ARIH1: variants seen among roughly 807,000 people sequenced by gnomAD.
ARIH1 encodes the protein E3 ubiquitin-protein ligase ARIH1.
In ARIH1, 8 loss-of-function variants were observed where a neutral mutation model predicts 85.0. The ratio of observed to expected loss-of-function variants is 0.09; its 90% CI spans 0.06 to 0.17. The LOEUF (loss-of-function observed/expected upper bound fraction) is 0.17, where lower values mean the gene tolerates loss of function less well. ARIH1 is among the 10% of genes least tolerant of loss of function. The probability of loss-of-function intolerance (pLI) is 1.00; values close to 1 mark genes in which losing one functional copy is unlikely to be tolerated. For missense variants in ARIH1, 311 were observed against 718.1 expected (o/e 0.43, Z 6.48); for synonymous variants, 238 against 253.6 (o/e 0.94, Z 0.59).
At chr15:72,546,285 G>T (rs1400816902) in intron 3 of ARIH1, among the ~76,000 whole-genome samples, 2 of 152,206 alleles carry the variant, frequency 1.3e-5, no homozygotes, top group Non-Finnish European at 2.9e-5. Flanking sequence ...GTCCATTTGT[G>T]GGGAGTTAAC....
chr15:72,528,639 A>G (rs535463496), intron 2 of ARIH1, among the ~76,000 whole-genome samples: 1 of 152,176 alleles, frequency 6.6e-6, no homozygotes, highest in East Asian at 1.9e-4. Context: ...AGATCGCTTG[A>G]GCGTAGGAGT....
At chr15:72,559,383 C>A (rs188135493) in intron 5 of ARIH1, among the ~76,000 whole-genome samples, 4 of 152,014 alleles carry the variant, frequency 2.6e-5, no homozygotes, top group Non-Finnish European at 5.9e-5. Flanking sequence ...GATTCTCCTG[C>A]CTCAGCCTCC....
rs1041094634 is a variant in ARIH1 at position 72,591,458 on chromosome 15, C to T, written c.*8166C>T. The stretch of plus-strand genomic sequence containing the variant: ...AATCTGAGGCTTATGCAGTGAGGCT[C>T]TAGCTCTCTGGAGTCAGTTGGTCAA... On this transcript the variant is annotated 3_prime_UTR_variant, in exon 14 of 14. Coordinates refer to ENST00000379887, the MANE Select transcript of ARIH1 (RefSeq NM_005744.5). 3.3e-5 allele frequency: 5 copies of T among 152,168 alleles called. No individual in the cohort carries two copies. The highest frequency in any genetic ancestry group is 9.7e-5 in the African/African-American group (4 of 41,412). The allele number at this position is 152,168 out of a possible 1,614,324, so 9.4% of individuals were successfully genotyped here.
chr15:72,508,955 A>T (rs1354485172), intron 1 of ARIH1, among the ~76,000 whole-genome samples: 2 of 150,694 alleles, frequency 1.3e-5, no homozygotes, highest in South Asian at 2.1e-4. Context: ...TAGCTTCCCA[A>T]AGTGCTGGGA....
chr15:72,558,406 A>G (rs768764997), intron 5 of ARIH1, among the ~76,000 whole-genome samples: 7 of 152,250 alleles, frequency 4.6e-5, no homozygotes, highest in Middle Eastern at 3.4e-3. Flanking sequence ...GGTTCAAGCA[A>G]TTCTCCTGCC....
In ARIH1 at chr15:72,586,151, G is replaced by A. The variant is rs1338901551; in HGVS notation, c.*2859G>A. The A allele has an allele frequency of 6.6e-6, 1 of 152,124 alleles. No individual in the cohort carries two copies. Among genetic ancestry groups the A allele is most frequent in the Non-Finnish European group, 1.5e-5 (1 of 68,028 alleles). 9.4% of individuals were successfully genotyped at this position (152,124 alleles called of 1,614,324 possible). A position where few individuals can be genotyped will look rare whatever the true frequency, so the allele number is the denominator to read the frequency against. On this transcript the variant is annotated 3_prime_UTR_variant, in exon 14 of 14. Coordinates refer to ENST00000379887, the MANE Select transcript of ARIH1 (RefSeq NM_005744.5). Reference sequence around the variant, plus strand: ...ACAACCCAGATTGTATGTGTTTTATGTGTGTTTAAATAAATATGTTAGATA... The same window carrying A: ...ACAACCCAGATTGTATGTGTTTTATATGTGTTTAAATAAATATGTTAGATA...
At chr15:72,518,782 A>G (rs941034898) in intron 2 of ARIH1, among the ~76,000 whole-genome samples, 9 of 144,546 alleles carry the variant, frequency 6.2e-5, no homozygotes, top group Non-Finnish European at 1.2e-4. Flanking sequence ...GCGAGACTCT[A>G]TCTCAAAAAA....
At chr15:72,556,131 C>T (rs1380215329) in intron 5 of ARIH1, among the ~76,000 whole-genome samples, 1 of 152,224 alleles carries the variant, frequency 6.6e-6, no homozygotes, top group African/African-American at 2.4e-5. Flanking sequence ...TTTGATAAAC[C>T]TTGGGATTGG....
chr15:72,521,648 A>G (rs1359825981), intron 2 of ARIH1, among the ~76,000 whole-genome samples: 2 of 151,942 alleles, frequency 1.3e-5, no homozygotes, highest in Non-Finnish European at 2.9e-5. Context: ...TTGTGAGTTC[A>G]AGGGATCCTC....
At chr15:72,563,790 A>G (rs929157508) in intron 7 of ARIH1, among the ~76,000 whole-genome samples, 1 of 152,150 alleles carries the variant, frequency 6.6e-6, no homozygotes, top group African/African-American at 2.4e-5. Flanking sequence ...AATGGGAGCA[A>G]ACTTGTAGAT....
At chr15:72,479,922 C>T (rs796673334) in intron 1 of ARIH1, among the ~76,000 whole-genome samples, 12 of 150,020 alleles carry the variant, frequency 8.0e-5, no homozygotes, top group African/African-American at 1.5e-4. Flanking sequence ...GGCTGGAGTG[C>T]GGTGGTGCGA....
intron 2 of ARIH1, among the ~76,000 whole-genome samples, chr15:72,520,066 CT>C (rs2063992789): frequency 6.6e-6 from 1 of 152,052 alleles, no homozygotes; most frequent in Admixed American, 6.5e-5. Context: ...AAATTTTGTA[CT>C]TTATATGGGA....
chr15:72,520,241 G>T (rs2063993573), intron 2 of ARIH1, among the ~76,000 whole-genome samples: 1 of 152,052 alleles, frequency 6.6e-6, no homozygotes, highest in Admixed American at 6.5e-5. Context: ...ATACCTAAAA[G>T]ATTTATAATT....
chr15:72,501,943 A>G (rs1213794637), intron 1 of ARIH1, among the ~76,000 whole-genome samples: 1 of 152,174 alleles, frequency 6.6e-6, no homozygotes, highest in East Asian at 1.9e-4. Context: ...ACCCAAGAAA[A>G]TCTTGCCTGA....
chr15:72,512,861 A>G (rs2063956523), intron 1 of ARIH1, among the ~76,000 whole-genome samples: 1 of 152,012 alleles, frequency 6.6e-6, no homozygotes, highest in African/African-American at 2.4e-5. Flanking sequence ...TCTTAAGTAT[A>G]ATTGTGGAAT....
chr15:72,500,634 G>T (rs1190331356), intron 1 of ARIH1, among the ~76,000 whole-genome samples: 1 of 152,188 alleles, frequency 6.6e-6, no homozygotes, highest in Non-Finnish European at 1.5e-5. Context: ...ATAATGATAA[G>T]TTATGGAAGA....
chr15:72,522,568 A>G (rs2064005133), intron 2 of ARIH1, among the ~76,000 whole-genome samples: 1 of 152,152 alleles, frequency 6.6e-6, no homozygotes, highest in Admixed American at 6.5e-5. Context: ...AAAAGGACCA[A>G]GCCTTTGAAA....
At chr15:72,552,892 A>G (rs1334732932) in intron 3 of ARIH1, among the ~76,000 whole-genome samples, 1 of 151,576 alleles carries the variant, frequency 6.6e-6, no homozygotes, top group Non-Finnish European at 1.5e-5. Context: ...CTCCTGCCTC[A>G]GCCTGCCAAG....
At chr15:72,517,613 C>T (rs1021434278) in intron 1 of ARIH1, among the ~76,000 whole-genome samples, 5 of 151,366 alleles carry the variant, frequency 3.3e-5, no homozygotes, top group South Asian at 2.1e-4. Flanking sequence ...TTATTAGGGA[C>T]GGGTTTTGCC....
Sources: gnomAD v4.1 joint callset for allele counts (sites outside exome capture counted in the v4.1 genomes callset) on GRCh38, gnomAD v4.1.1 for gene constraint, MANE v1.5 for transcripts, NCBI Gene and HGNC (gene_info 2026-07-23, HGNC 2026-07-21) for gene names.